MICAL2: variants seen among roughly 807,000 people sequenced by gnomAD.
MICAL2 encodes the protein [F-actin]-monooxygenase MICAL2.
A neutral mutation model predicts 127.3 loss-of-function variants in MICAL2; 77 were observed. The observed-to-expected ratio is 0.60, with a 90% CI of 0.50 to 0.73. The LOEUF (loss-of-function observed/expected upper bound fraction) is 0.73, where lower values mean the gene tolerates loss of function less well. Ranked by LOEUF, MICAL2 falls within the 30% of genes least tolerant of loss-of-function variation. MICAL2 has a pLI of 0.00. For synonymous variants in MICAL2, 570 were observed against 551.1 expected, an observed-to-expected ratio of 1.03 and a Z score of -0.48; for missense variants, 1,351 against 1,434.4, an observed-to-expected ratio of 0.94 and a Z score of 0.94.
chr11:12,169,819 AT>A (rs1319933156), intron 3 of MICAL2, among the ~76,000 whole-genome samples: 1 of 152,250 alleles, frequency 6.6e-6, no homozygotes, highest in African/African-American at 2.4e-5. Context: ...ACATTTAAAA[AT>A]TATAGGCATT....
chr11:12,358,378 C>T (rs1282400821), exon 35 of MICAL2: 4 of 1,614,160 alleles, frequency 2.5e-6, no homozygotes, highest in South Asian at 1.1e-5. Context: ...AAGGGACAAA[C>T]TCGTCGATTC....
chr11:12,288,802 G>C (rs1863858681), downstream of MICAL2, among the ~76,000 whole-genome samples: 1 of 152,202 alleles, frequency 6.6e-6, no homozygotes, highest in Non-Finnish European at 1.5e-5. Context: ...CTTTGAGGGG[G>C]ATTTGAGCCT....
chr11:12,226,212 A>G lies in MICAL2; in HGVS notation c.1730A>G (p.Asn577Ser), dbSNP rs764581434. 6 of 1,614,190 alleles carry G rather than the reference A, an allele frequency of 3.7e-6. No individual in the cohort carries two copies. The highest frequency in any genetic ancestry group is 5.1e-6 in the Non-Finnish European group (6 of 1,180,042). ...AATGAAGATGATGCTGTGGAGAACA[A>G]CCAGCTCGCATTTGATGTGGCCGAG... ...SLNEDDAVEN[N>S]QLAFDVAERE... is the part of the protein sequence containing the mutation. Residue 577 changes from asparagine (N) to serine (S), a missense_variant, in exon 14 of 28, where the codon AAC becomes AGC. Coordinates refer to ENST00000683283, the MANE Select transcript of MICAL2 (RefSeq NM_001282663.2).
chr11:12,182,191 T>C (rs897102974), intron 3 of MICAL2, among the ~76,000 whole-genome samples: 1 of 152,236 alleles, frequency 6.6e-6, no homozygotes, highest in Non-Finnish European at 1.5e-5. Flanking sequence ...AAGAAAATAT[T>C]CTGAGAAGGT....
At chr11:12,265,836 C>T (rs997738444), downstream of MICAL2, among the ~76,000 whole-genome samples, 1 of 152,158 alleles carries the variant, frequency 6.6e-6, no homozygotes, top group Non-Finnish European at 1.5e-5. Context: ...TGCACATGGG[C>T]CAGGTGCGGT....
chr11:12,245,869 A>G (rs2134522830), intron 21 of MICAL2, among the ~76,000 whole-genome samples: 1 of 152,300 alleles, frequency 6.6e-6, no homozygotes, highest in South Asian at 2.1e-4. Flanking sequence ...AGGTCATGGC[A>G]CCCTTGGCAG....
At chr11:12,234,703 T>C (rs1186937932) in intron 15 of MICAL2, among the ~76,000 whole-genome samples, 1 of 152,084 alleles carries the variant, frequency 6.6e-6, no homozygotes, top group Non-Finnish European at 1.5e-5. Flanking sequence ...CTGGTAAATA[T>C]GGGGAGAGGG....
At chr11:12,330,898 A>AGTGTGTGTGTGTGTGTGTGTGT (rs757142831) in intron 32 of MICAL2, among the ~76,000 whole-genome samples, 1 of 121,138 alleles carries the variant, frequency 8.3e-6, no homozygotes, top group Non-Finnish European at 1.7e-5. Context: ...AGAGAGAGAG[A>AGTGTGTGTGTGTGTGTGTGTGT]GAGTGTGTGT....
At position 12,263,614 on chromosome 11, in the gene MICAL2, C is replaced by T. The variant is rs548966555; in HGVS notation, c.*72C>T. On this transcript the variant is annotated 3_prime_UTR_variant, in exon 28 of 28. Coordinates refer to ENST00000683283, the MANE Select transcript of MICAL2 (RefSeq NM_001282663.2). Reference sequence around the variant, plus strand: ...AAAGAGTGCCCTCCTCCCCTCTCAGCCTCCTCTTTAGCTAGCCTCCCCATC... The same window carrying T: ...AAAGAGTGCCCTCCTCCCCTCTCAGTCTCCTCTTTAGCTAGCCTCCCCATC... 32 of 152,712 alleles carry T rather than the reference C, an allele frequency of 2.1e-4. No individual in the cohort carries two copies. Among genetic ancestry groups the T allele is most frequent in the Non-Finnish European group, 4.3e-4 (29 of 68,048 alleles). 9.5% of individuals were successfully genotyped at this position (152,712 alleles called of 1,614,324 possible). A position where few individuals can be genotyped will look rare whatever the true frequency, so the allele number is the denominator to read the frequency against.
intron 26 of MICAL2, chr11:12,260,819 A>G: frequency 1.0e-6 from 1 of 985,412 alleles, no homozygotes; most frequent in Non-Finnish European, 1.2e-6. Flanking sequence ...TTGATGTTAA[A>G]CAGTAGCTTA....
intron 26 of MICAL2, chr11:12,260,997 T>C: frequency 1.0e-6 from 1 of 985,550 alleles, no homozygotes; most frequent in Non-Finnish European, 1.2e-6. Flanking sequence ...CTCTTTCAAC[T>C]GATGGCATTT....
At chr11:12,266,993 C>T (rs1017939275), downstream of MICAL2, among the ~76,000 whole-genome samples, 6 of 152,232 alleles carry the variant, frequency 3.9e-5, no homozygotes, top group South Asian at 2.1e-4. Context: ...GGGCTCAGAA[C>T]GCCTGACAGG....
chr11:12,167,846 G>T (rs1027733030), intron 3 of MICAL2, among the ~76,000 whole-genome samples: 4 of 152,148 alleles, frequency 2.6e-5, no homozygotes, highest in Admixed American at 6.5e-5. Context: ...GAGTGTGTGT[G>T]TTGGGCATTA....
At chr11:12,118,695 G>C (rs528712523) in intron 1 of MICAL2, among the ~76,000 whole-genome samples, 11 of 152,176 alleles carry the variant, frequency 7.2e-5, no homozygotes, top group Non-Finnish European at 1.2e-4. Flanking sequence ...GACAGACCTG[G>C]GCTCAAATCC....
chr11:12,237,055 A>AGTTGCATGACATGGTT (rs1354597596), intron 16 of MICAL2, among the ~76,000 whole-genome samples: 6 of 152,158 alleles, frequency 3.9e-5, no homozygotes, highest in South Asian at 2.1e-4. Context: ...ATTGCTGTAT[A>AGTTGCATGACATGGTT]GTTGCATGAC....
At chr11:12,115,977 T>C (rs558194162) in intron 1 of MICAL2, among the ~76,000 whole-genome samples, 1 of 150,708 alleles carries the variant, frequency 6.6e-6, no homozygotes, top group Non-Finnish European at 1.5e-5. Context: ...TCTTTCCCTT[T>C]CTTTTTTTTT....
At chr11:12,176,113 G>A (rs2133912140) in intron 3 of MICAL2, among the ~76,000 whole-genome samples, 1 of 152,292 alleles carries the variant, frequency 6.6e-6, no homozygotes, top group East Asian at 1.9e-4. Context: ...ATTACATCCT[G>A]TGCTCATCAT....
chr11:12,197,563 C>T (rs897686495), intron 3 of MICAL2: 3 of 152,224 alleles, frequency 2.0e-5, no homozygotes, highest in South Asian at 2.1e-4. Context: ...GTGAGGTGTT[C>T]GACTCTGCTG....
intron 31 of MICAL2, among the ~76,000 whole-genome samples, chr11:12,326,309 T>C (rs1238987337): frequency 6.6e-6 from 1 of 152,250 alleles, no homozygotes; most frequent in Non-Finnish European, 1.5e-5. Flanking sequence ...GATGTGCCTT[T>C]TGACAGCATG....
Sources: allele counts gnomAD v4.1 joint callset (sites outside exome capture counted in the v4.1 genomes callset), GRCh38; gene constraint gnomAD v4.1.1; transcripts MANE v1.5; gene names NCBI Gene and HGNC (gene_info 2026-07-23, HGNC 2026-07-21).